PPFIA2: variants seen among roughly 807,000 people sequenced by gnomAD.
PPFIA2 encodes the protein PPFI scaffold protein A2, also known as liprin-alpha-2.
In PPFIA2, 46 loss-of-function variants were observed where a neutral mutation model predicts 175.5. The observed-to-expected ratio is 0.26, with a 90% CI of 0.21 to 0.34. The LOEUF is 0.34. Among genes scored for constraint, PPFIA2 ranks in the 10% least tolerant of loss-of-function variants. The pLI is 1.00. For missense variants in PPFIA2, 1,179 were observed against 1,506.1 expected, an observed-to-expected ratio of 0.78 and a Z score of 3.60; for synonymous variants, 568 against 511.4, an observed-to-expected ratio of 1.11 and a Z score of -1.49.
intron 3 of PPFIA2, among the ~76,000 whole-genome samples, chr12:81,699,022 A>G (rs2076205826): frequency 3.9e-5 from 6 of 152,138 alleles, no homozygotes; most frequent in Admixed American, 3.3e-4. Context: ...GAAAAGCCTT[A>G]GATCACATAT....
intron 4 of PPFIA2, among the ~76,000 whole-genome samples, chr12:81,601,445 C>T (rs10862327): frequency 0.44 from 66,184 of 151,650 alleles, 14,897 homozygotes; most frequent in Non-Finnish European, 0.5. Context: ...TATCAAGGTA[C>T]GGTCCCATCA....
chr12:81,344,228 G>T (rs1351836514), intron 19 of PPFIA2, among the ~76,000 whole-genome samples: 1 of 151,998 alleles, frequency 6.6e-6, no homozygotes, highest in Non-Finnish European at 1.5e-5. Flanking sequence ...TGGGAACTGT[G>T]AGTAACAAGC....
chr12:81,697,685 A>G (rs2153597593), intron 3 of PPFIA2, among the ~76,000 whole-genome samples: 1 of 152,240 alleles, frequency 6.6e-6, no homozygotes, highest in South Asian at 2.1e-4. Flanking sequence ...AATGTTACAA[A>G]TGCTCCCATA....
chr12:81,522,867 A>G (rs756196988), intron 4 of PPFIA2, among the ~76,000 whole-genome samples: 1 of 152,186 alleles, frequency 6.6e-6, no homozygotes, highest in African/African-American at 2.4e-5. Flanking sequence ...AGGTAGTGGT[A>G]GCTTCTGTAA....
intron 4 of PPFIA2, among the ~76,000 whole-genome samples, chr12:81,561,726 C>T (rs2070140206): frequency 6.6e-6 from 1 of 152,212 alleles, no homozygotes; most frequent in Non-Finnish European, 1.5e-5. Context: ...CTGCCAACTT[C>T]GGTTTCTTAT....
At chr12:81,433,171 C>A (rs1259078492) in intron 7 of PPFIA2, among the ~76,000 whole-genome samples, 2 of 152,118 alleles carry the variant, frequency 1.3e-5, no homozygotes. Context: ...CACACCCTGA[C>A]TTTTATCAAT....
At chr12:81,627,197 T>G (rs1000011712) in intron 4 of PPFIA2, among the ~76,000 whole-genome samples, 6 of 152,012 alleles carry the variant, frequency 3.9e-5, no homozygotes, top group African/African-American at 1.4e-4. Flanking sequence ...TAATAGATAA[T>G]AGGAATAAAA....
At chr12:81,324,661 A>G (rs2054364260) in intron 22 of PPFIA2, among the ~76,000 whole-genome samples, 1 of 152,144 alleles carries the variant, frequency 6.6e-6, no homozygotes, top group South Asian at 2.1e-4. Flanking sequence ...TTTGAAAAAG[A>G]TTATGATAAT....
chr12:81,407,510 A>AATAAT (rs1477575797), intron 7 of PPFIA2, among the ~76,000 whole-genome samples: 3 of 151,270 alleles, frequency 2.0e-5, no homozygotes, highest in Non-Finnish European at 2.9e-5. Flanking sequence ...AATAAAATAA[A>AATAAT]ATAAAATAAA....
At chr12:81,514,365 G>A (rs2062149869) in intron 4 of PPFIA2, among the ~76,000 whole-genome samples, 1 of 151,904 alleles carries the variant, frequency 6.6e-6, no homozygotes, top group African/African-American at 2.4e-5. Context: ...GGTCTTCACT[G>A]TTACATTCTA....
intron 17 of PPFIA2, chr12:81,350,446 G>C (rs968281210): frequency 6.6e-6 from 1 of 152,102 alleles, no homozygotes; most frequent in Non-Finnish European, 1.5e-5. Context: ...GTTCCTTGAA[G>C]AAGTGATGGA....
At chr12:81,397,136 G>T (rs1389606067) in intron 8 of PPFIA2, among the ~76,000 whole-genome samples, 1 of 152,008 alleles carries the variant, frequency 6.6e-6, no homozygotes, top group African/African-American at 2.4e-5. Context: ...ATATGCATTT[G>T]GTTGTAGGGT....
intron 4 of PPFIA2, among the ~76,000 whole-genome samples, chr12:81,650,998 T>C (rs2153532335): frequency 6.6e-6 from 1 of 152,308 alleles, no homozygotes; most frequent in Non-Finnish European, 1.5e-5. Context: ...CAGATACAGA[T>C]ATAATTTTCA....
chr12:81,273,326 C>T (rs2039641757), intron 28 of PPFIA2, among the ~76,000 whole-genome samples: 1 of 151,994 alleles, frequency 6.6e-6, no homozygotes, highest in African/African-American at 2.4e-5. Flanking sequence ...CCCACCACCA[C>T]CCCACTCCGT....
At chr12:81,647,912 A>C (rs1437624987) in intron 4 of PPFIA2, among the ~76,000 whole-genome samples, 1 of 145,286 alleles carries the variant, frequency 6.9e-6, no homozygotes, top group East Asian at 1.9e-4. Context: ...TCATCAAGAG[A>C]AAAAGAGGAA....
chr12:81,358,742 A>T (rs1345558360), intron 15 of PPFIA2, among the ~76,000 whole-genome samples: 1 of 152,120 alleles, frequency 6.6e-6, no homozygotes, highest in East Asian at 1.9e-4. Context: ...AATTTAGAGA[A>T]TCAACAAAAT....
intron 4 of PPFIA2, among the ~76,000 whole-genome samples, chr12:81,644,198 T>C (rs961693708): frequency 1.3e-5 from 2 of 152,044 alleles, no homozygotes; most frequent in Admixed American, 6.6e-5. Context: ...TTACTTTTGC[T>C]AGATAATCTA....
At chr12:81,589,278 G>A (rs555103316) in intron 4 of PPFIA2, among the ~76,000 whole-genome samples, 4 of 151,770 alleles carry the variant, frequency 2.6e-5, no homozygotes, top group Non-Finnish European at 4.4e-5. Context: ...GAGCCCCAAA[G>A]GCTACTCATT....
chr12:81,648,695 A>C (rs1280817173), intron 4 of PPFIA2, among the ~76,000 whole-genome samples: 2 of 151,982 alleles, frequency 1.3e-5, no homozygotes, highest in Non-Finnish European at 2.9e-5. Flanking sequence ...TTATTAAGTA[A>C]AACAATAAGG....
Sources: gnomAD v4.1 joint callset for allele counts (sites outside exome capture counted in the v4.1 genomes callset) on GRCh38, gnomAD v4.1.1 for gene constraint, MANE v1.5 for transcripts, NCBI Gene and HGNC (gene_info 2026-07-23, HGNC 2026-07-21) for gene names.